Variants in ROBO1 observed in about 807,000 individuals in gnomAD.
ROBO1 encodes roundabout guidance receptor 1.
Under a neutral mutation model 195.9 loss-of-function variants are expected in ROBO1, and 149 were observed. The observed-to-expected ratio is 0.76, with a 90% confidence interval of 0.67 to 0.87. The LOEUF is 0.87. ROBO1 is among the 40% of genes least tolerant of loss of function. ROBO1 has a pLI of 0.00. For missense variants in ROBO1, 1,933 were observed against 2,068.3 expected (o/e 0.93, Z 1.27); for synonymous variants, 816 against 733.2 (o/e 1.11, Z -1.82).
chr3:78,670,138 G>C lies in ROBO1; in HGVS notation c.1506C>G (p.Ile502Met), dbSNP rs1384633343. 3.7e-6 allele frequency: 6 copies of C among 1,613,412 alleles called. No individual in the cohort carries two copies. Among genetic ancestry groups the C allele is most frequent in the Non-Finnish European group, 4.2e-6 (5 of 1,179,708 alleles). Residue 502 changes from isoleucine to methionine, a missense_variant, in exon 11 of 31, where the codon ATC becomes ATG. Ile to Met is a conservative substitution (Grantham distance 10). This residue lies in a region of ROBO1 where 1,737 missense variants were observed against 1,882.5 expected (regional missense o/e 0.92). Coordinates refer to ENST00000464233, the MANE Select transcript of ROBO1 (RefSeq NM_002941.4). ...GVLVSTQDSR[I>M]KQLENGVLQI... ...GCAGTACTCCATTCTCCAACTGTTTGATTCGAGAGTCTTGGGTTGAAACGA... is the reference window on the plus strand; with the variant it reads ...GCAGTACTCCATTCTCCAACTGTTTCATTCGAGAGTCTTGGGTTGAAACGA...
intron 2 of ROBO1, among the ~76,000 whole-genome samples, chr3:79,207,496 C>T (rs963669256): frequency 3.9e-5 from 6 of 152,060 alleles, no homozygotes; most frequent in African/African-American, 1.4e-4. Context: ...AGTTAAATGA[C>T]TCACATTCTT....
intron 4 of ROBO1, among the ~76,000 whole-genome samples, chr3:78,927,860 A>G (rs2039303933): frequency 6.6e-6 from 1 of 152,216 alleles, no homozygotes; most frequent in Non-Finnish European, 1.5e-5. Flanking sequence ...TTAGTTTTTC[A>G]GCATTTGCCT....
chr3:79,575,444 TATATATAAATATATATAACAAATAC>T (rs1353113869), intron 2 of ROBO1, among the ~76,000 whole-genome samples: 8 of 130,032 alleles, frequency 6.2e-5, no homozygotes, highest in Non-Finnish European at 1.1e-4. Context: ...ATATAACAAA[TATATATAAATATATATAACAAATAC>T]ATATATAAAT....
chr3:78,668,525 G>T lies in ROBO1; in HGVS notation c.1589C>A (p.Pro530His). Residue 530 changes from proline (P) to histidine (H), a missense_variant, in exon 12 of 31, where the codon CCC becomes CAC. Coordinates refer to ENST00000464233, the MANE Select transcript of ROBO1 (RefSeq NM_002941.4). ...TGRYTCIAST[P>H]SGEATWSAYI... ...AGCACTCCATGTTGCTTCACCACTG[G>T]GGGTTGATGCAATGCAGGTGTACCG... 6.2e-7 allele frequency: 1 copy of T among 1,613,786 alleles called. No individual in the cohort carries two copies. The highest frequency in any genetic ancestry group is 8.5e-7 in the Non-Finnish European group (1 of 1,179,812).
At chr3:79,088,980 G>C (rs769795747) in intron 3 of ROBO1, among the ~76,000 whole-genome samples, 1 of 151,992 alleles carries the variant, frequency 6.6e-6, no homozygotes, top group Non-Finnish European at 1.5e-5. Flanking sequence ...CAAATGATAG[G>C]ATGACTCATT....
rs199767608 is a variant in ROBO1 at position 78,875,546 on chromosome 3, G to GA, written c.499+63054dup. Among the ~76,000 whole-genome samples the GA allele has an allele frequency of 9.1e-3, 1,369 of 151,010 alleles. 13 individuals are homozygous for GA. Among genetic ancestry groups the GA allele is most frequent in the Middle Eastern group, 0.035 (10 of 288 alleles). ...ATTACTAACTTATAAAGCTAGAATA[G>GA]AAAAAAAAATCAATTGCATGCACTC... On this transcript the variant is annotated intron_variant, in intron 4 of 30. Coordinates refer to ENST00000464233, the MANE Select transcript of ROBO1 (RefSeq NM_002941.4).
At chr3:78,872,507 G>A (rs2035612280) in intron 4 of ROBO1, among the ~76,000 whole-genome samples, 1 of 152,180 alleles carries the variant, frequency 6.6e-6, no homozygotes, top group South Asian at 2.1e-4. Context: ...ATTGTTACAA[G>A]GTTGATGACC....
At chr3:78,683,297 T>A (rs1575926958) in intron 10 of ROBO1, among the ~76,000 whole-genome samples, 1 of 152,230 alleles carries the variant, frequency 6.6e-6, no homozygotes, top group East Asian at 1.9e-4. Context: ...TTCCCTGAAT[T>A]GACTCAGATT....
At position 78,633,948 on chromosome 3, in the gene ROBO1, G is replaced by A. The variant is rs1223115745; in HGVS notation, c.3468C>T (p.Gly1156=). The A allele has an allele frequency of 6.2e-7, 1 of 1,608,470 alleles. No individual in the cohort carries two copies. ...TGGSYNSSDR[G]SSTSGSQGHK... is the part of the protein sequence containing the mutation. ...CATCTTACTTACCAGATGTACTACT[G>A]CCCCGGTCTGAGCTGTTGTAGGATC... is the stretch of plus-strand genomic sequence containing the variant. Residue 1156 remains glycine (G), a synonymous_variant, in exon 24 of 31, where the codon GGC becomes GGT. Transcript: ENST00000464233.
chr3:79,286,167 T>G (rs2031870698), intron 2 of ROBO1, among the ~76,000 whole-genome samples: 1 of 152,180 alleles, frequency 6.6e-6, no homozygotes, highest in Non-Finnish European at 1.5e-5. Context: ...AATGAATGTA[T>G]CAGATGTTCA....
intron 3 of ROBO1, among the ~76,000 whole-genome samples, chr3:79,103,080 T>C (rs1022609354): frequency 2.6e-5 from 4 of 151,816 alleles, no homozygotes. Flanking sequence ...TGATATGTTG[T>C]GAAACCAATA....
intron 4 of ROBO1, among the ~76,000 whole-genome samples, chr3:78,856,993 A>T (rs1576298890): frequency 6.6e-6 from 1 of 152,064 alleles, no homozygotes; most frequent in South Asian, 2.1e-4. Flanking sequence ...TGTTTACAGC[A>T]TTAACTAAAG....
intron 10 of ROBO1, among the ~76,000 whole-genome samples, chr3:78,683,129 T>TAC (rs71892319): frequency 0.014 from 2,123 of 150,086 alleles, 18 homozygotes; most frequent in Non-Finnish European, 0.023. Flanking sequence ...GTTTTGTAGA[T>TAC]ACACACACAC....
intron 2 of ROBO1, among the ~76,000 whole-genome samples, chr3:79,208,755 T>C (rs929640796): frequency 1.3e-5 from 2 of 150,804 alleles, no homozygotes; most frequent in African/African-American, 4.9e-5. Flanking sequence ...TATGTGTGGT[T>C]GGCGGGGGCA....
At chr3:79,735,838 T>C (rs1295534853) in intron 1 of ROBO1, among the ~76,000 whole-genome samples, 1 of 141,952 alleles carries the variant, frequency 7.0e-6, no homozygotes, top group Admixed American at 7.4e-5. Flanking sequence ...GCCACTGCAC[T>C]CCAGCCTGGG....
chr3:79,430,225 G>C (rs1383236485), intron 2 of ROBO1, among the ~76,000 whole-genome samples: 1 of 152,022 alleles, frequency 6.6e-6, no homozygotes, highest in East Asian at 1.9e-4. Flanking sequence ...AAACATGTAA[G>C]TGTAAGCAAT....
chr3:79,440,030 G>A (rs1240316178), intron 2 of ROBO1, among the ~76,000 whole-genome samples: 1 of 152,048 alleles, frequency 6.6e-6, no homozygotes, highest in Non-Finnish European at 1.5e-5. Context: ...ACAAAAGGTA[G>A]AGGGCATGCC....
intron 1 of ROBO1, among the ~76,000 whole-genome samples, chr3:79,722,427 A>G (rs1702746388): frequency 6.6e-6 from 1 of 152,218 alleles, no homozygotes; most frequent in African/African-American, 2.4e-5. Context: ...AGTTTACTAA[A>G]TACATTTTGA....
At chr3:79,499,544 T>C (rs1438591484) in intron 2 of ROBO1, among the ~76,000 whole-genome samples, 1 of 152,190 alleles carries the variant, frequency 6.6e-6, no homozygotes, top group East Asian at 1.9e-4. Flanking sequence ...AATCACAACC[T>C]TTCCCCTTAT....
Sources: allele counts gnomAD v4.1 joint callset (sites outside exome capture counted in the v4.1 genomes callset), GRCh38; gene constraint gnomAD v4.1.1; regional missense constraint gnomAD v4.1.1; transcripts MANE v1.5; gene names NCBI Gene and HGNC (gene_info 2026-07-23, HGNC 2026-07-21).